The following CAMTA1 variants were observed in gnomAD, a reference collection of about 807,000 sequenced individuals.
CAMTA1 encodes the protein calmodulin-binding transcription activator 1.
CAMTA1 carries 27 observed loss-of-function variants against 170.9 expected under a neutral mutation model. The observed-to-expected ratio is 0.16, with a 90% CI of 0.12 to 0.22. CAMTA1 has a LOEUF of 0.22. Ranked by LOEUF, CAMTA1 falls within the 10% of genes least tolerant of loss-of-function variation. The pLI is 1.00. For synonymous variants in CAMTA1, 833 were observed against 891.5 expected, an observed-to-expected ratio of 0.93 and a Z score of 1.17; for missense variants, 1,619 against 2,217.2, an observed-to-expected ratio of 0.73 and a Z score of 5.42.
At chr1:7,378,373 A>T (rs1266479251) in intron 5 of CAMTA1, among the ~76,000 whole-genome samples, 1 of 152,246 alleles carries the variant, frequency 6.6e-6, no homozygotes, top group Non-Finnish European at 1.5e-5. Context: ...GTCCCTCCAC[A>T]GAGGAATAAA....
At chr1:7,049,692 G>A (rs1240928137) in intron 3 of CAMTA1, among the ~76,000 whole-genome samples, 1 of 152,178 alleles carries the variant, frequency 6.6e-6, no homozygotes, top group Non-Finnish European at 1.5e-5. Context: ...CTTGACCTCA[G>A]GTGGATCCAC....
intron 3 of CAMTA1, among the ~76,000 whole-genome samples, chr1:7,040,298 G>A (rs1042943619): frequency 1.3e-5 from 2 of 152,068 alleles, no homozygotes; most frequent in African/African-American, 4.8e-5. Context: ...TTTTCACGAT[G>A]TAAATAATTT....
At chr1:7,558,488 G>A (rs569234961) in intron 6 of CAMTA1, among the ~76,000 whole-genome samples, 3 of 152,144 alleles carry the variant, frequency 2.0e-5, no homozygotes, top group African/African-American at 4.8e-5. Context: ...GGAGGAACTC[G>A]GCTCCCTTCT....
chr1:7,766,026 CA>C (rs59692886), intron 22 of CAMTA1, among the ~76,000 whole-genome samples: 1,513 of 71,380 alleles, frequency 0.021, 8 homozygotes, highest in African/African-American at 0.051. Context: ...GATTCTGTCT[CA>C]AAAAAAAAAA....
At chr1:7,289,636 A>C (rs926804475) in intron 5 of CAMTA1, among the ~76,000 whole-genome samples, 2 of 152,166 alleles carry the variant, frequency 1.3e-5, no homozygotes, top group African/African-American at 4.8e-5. Context: ...AGATCTAATT[A>C]ATCATATTAA....
At chr1:7,118,267 T>G (rs897726928) in intron 4 of CAMTA1, among the ~76,000 whole-genome samples, 2 of 146,110 alleles carry the variant, frequency 1.4e-5, no homozygotes, top group African/African-American at 2.5e-5. Context: ...GGGGTCAGAG[T>G]GGGACTGCAG....
intron 6 of CAMTA1, among the ~76,000 whole-genome samples, chr1:7,492,563 G>A (rs72642889): frequency 0.18 from 26,651 of 151,686 alleles, 3,742 homozygotes; most frequent in African/African-American, 0.38. Flanking sequence ...ACACACGCAC[G>A]CACATACAAA....
intron 6 of CAMTA1, among the ~76,000 whole-genome samples, chr1:7,598,240 C>T (rs184104734): frequency 6.6e-6 from 1 of 152,252 alleles, no homozygotes; most frequent in Admixed American, 6.5e-5. Flanking sequence ...CCAGCTTCAT[C>T]CGTGTTCCTA....
intron 3 of CAMTA1, among the ~76,000 whole-genome samples, chr1:6,932,267 G>C (rs1684549753): frequency 6.6e-6 from 1 of 152,176 alleles, no homozygotes. Context: ...TATAAATGGA[G>C]TCATACAGCA....
At chr1:7,460,051 G>T (rs1039764742) in intron 5 of CAMTA1, among the ~76,000 whole-genome samples, 1 of 152,240 alleles carries the variant, frequency 6.6e-6, no homozygotes, top group African/African-American at 2.4e-5. Context: ...TGCTTCAAAG[G>T]CAAGGCCATC....
intron 6 of CAMTA1, among the ~76,000 whole-genome samples, chr1:7,552,382 C>T (rs1413213842): frequency 5.3e-5 from 8 of 152,244 alleles, no homozygotes; most frequent in African/African-American, 1.9e-4. Context: ...GGCCCCATTT[C>T]TCCATCCACC....
At position 7,532,734 on chromosome 1, in the gene CAMTA1, G is replaced by A. The variant is rs567841412; in HGVS notation, c.510+64833G>A. On this transcript the variant is annotated intron_variant, in intron 6 of 22. Transcript: ENST00000303635. This position sits in a 1 kb window ranked among gnomAD's most constrained non-coding sequence, Gnocchi z 4.2. ...GACTGTTTACGATGGGTGCCCAATC[G>A]CTGATAGAAGAATGAATGAGTGGAT... 3.7e-4 allele frequency among the ~76,000 whole-genome samples: 57 copies of A among 152,322 alleles called. 3 individuals are homozygous for A. In the South Asian group the frequency reaches 0.011, roughly 29 times the overall value.
chr1:6,920,924 TGGAAG>T (rs1681872238), intron 3 of CAMTA1, among the ~76,000 whole-genome samples: 2 of 152,238 alleles, frequency 1.3e-5, no homozygotes, highest in Non-Finnish European at 2.9e-5. Context: ...GGGCCTGTGA[TGGAAG>T]AGGCTAGCAT....
Position 7,303,779 on chromosome 1 carries a change from C to T in CAMTA1, c.438+54153C>T, listed in dbSNP as rs553130193. ...ATGGGACGTGGCTGCAACTTTAAAT[C>T]CAGTGGTCAGGGCAGGCCTTACTGA... On this transcript the variant is annotated intron_variant, in intron 5 of 22. Coordinates refer to ENST00000303635, the MANE Select transcript of CAMTA1 (RefSeq NM_015215.4). Among the ~76,000 whole-genome samples the T allele has an allele frequency of 4.6e-5, 7 of 152,298 alleles. No individual in the cohort carries two copies. In the South Asian group the frequency reaches 1.2e-3, roughly 27 times the overall value.
At chr1:7,408,382 T>G (rs1438452253) in intron 5 of CAMTA1, among the ~76,000 whole-genome samples, 1 of 152,160 alleles carries the variant, frequency 6.6e-6, no homozygotes, top group Non-Finnish European at 1.5e-5. Flanking sequence ...GCGGGGCTGG[T>G]GGGGTCCCAG....
In CAMTA1 at chr1:7,664,324, A is replaced by G. The variant is rs1238499796; in HGVS notation, c.1777A>G (p.Lys593Glu). The G allele has an allele frequency of 6.2e-7, 1 of 1,613,452 alleles. No individual in the cohort carries two copies. The highest frequency in any genetic ancestry group is 8.5e-7 in the Non-Finnish European group (1 of 1,180,014). Residue 593 changes from lysine (K) to glutamate (E), a missense_variant, in exon 9 of 23, where the codon AAG becomes GAG. By Grantham distance (56) the Lys-to-Glu change is moderately conservative (BLOSUM62 1). Around this residue, in one of 8 missense-constraint regions of CAMTA1, gnomAD observed 731 missense variants for 907.6 expected, o/e 0.81. Coordinates refer to ENST00000303635, the MANE Select transcript of CAMTA1 (RefSeq NM_015215.4). ...QMDFSAIDSN[K>E]DYTSSFSQTG... ...GGACTTCAGCGCCATCGACTCCAAC[A>G]AGGACTACACGTCCAGCTTCAGCCA... is the stretch of plus-strand genomic sequence containing the variant.
At chr1:6,886,478 A>G (rs1325711900) in intron 3 of CAMTA1, 4 of 362,430 alleles carry the variant, frequency 1.1e-5, no homozygotes, top group East Asian at 7.3e-5. Context: ...TAAGAAGCCC[A>G]CAGCTCTTCT....
intron 5 of CAMTA1, among the ~76,000 whole-genome samples, chr1:7,465,865 C>T (rs985301385): frequency 5.3e-5 from 8 of 152,120 alleles, no homozygotes; most frequent in African/African-American, 1.7e-4. Context: ...AAACCAACCA[C>T]GGTCTTTTCA....
At chr1:6,801,765 A>G (rs1263589796) in intron 1 of CAMTA1, among the ~76,000 whole-genome samples, 1 of 151,960 alleles carries the variant, frequency 6.6e-6, no homozygotes, top group East Asian at 1.9e-4. Context: ...TATTTTCATG[A>G]CCCCAAGGTG....
Sources: gnomAD v4.1 joint callset for allele counts (sites outside exome capture counted in the v4.1 genomes callset) on GRCh38, gnomAD v4.1.1 for gene constraint, gnomAD v4.1.1 regional missense constraint, Gnocchi (gnomAD v3.1) non-coding constraint, MANE v1.5 for transcripts, NCBI Gene and HGNC (gene_info 2026-07-23, HGNC 2026-07-21) for gene names.